The following IMMP2L variants were observed in gnomAD, a reference collection of about 807,000 sequenced individuals.
IMMP2L encodes the protein inner mitochondrial membrane peptidase subunit 2.
In IMMP2L, 18 loss-of-function variants were observed where a neutral mutation model predicts 19.3. The ratio of observed to expected loss-of-function variants is 0.93; its 90% confidence interval spans 0.64 to 1.38. The LOEUF is 1.38. IMMP2L is among the 40% of genes most tolerant of loss of function. The probability of loss-of-function intolerance (pLI) is 0.00; values close to 1 mark genes in which losing one functional copy is unlikely to be tolerated. For synonymous variants in IMMP2L, 76 were observed against 73.0 expected (o/e 1.04, Z -0.21); for missense variants, 233 against 218.2 (o/e 1.07, Z -0.43).
At chr7:111,443,681 A>T (rs541411345) in intron 3 of IMMP2L, among the ~76,000 whole-genome samples, 4 of 152,310 alleles carry the variant, frequency 2.6e-5, no homozygotes, top group African/African-American at 9.6e-5. Flanking sequence ...AACACTGAAA[A>T]GGTGCAATTA....
intron 5 of IMMP2L, among the ~76,000 whole-genome samples, chr7:110,689,504 C>T (rs1463372072): frequency 1.3e-5 from 2 of 152,114 alleles, no homozygotes; most frequent in East Asian, 3.9e-4. Flanking sequence ...GTTTTAATTT[C>T]AAACTGCTAT....
At chr7:110,681,152 T>G (rs1320695091) in intron 5 of IMMP2L, among the ~76,000 whole-genome samples, 1 of 151,950 alleles carries the variant, frequency 6.6e-6, no homozygotes, top group Non-Finnish European at 1.5e-5. Flanking sequence ...GATTAGAAAT[T>G]AACTCTAATT....
chr7:111,164,681 A>T, intron 3 of IMMP2L, among the ~76,000 whole-genome samples: 1 of 152,230 alleles, frequency 6.6e-6, no homozygotes, highest in East Asian at 1.9e-4. Flanking sequence ...ATGAGTCAGA[A>T]AAGCAAAGGA....
At chr7:111,028,117 A>T (rs1215854462) in intron 3 of IMMP2L, among the ~76,000 whole-genome samples, 1 of 152,144 alleles carries the variant, frequency 6.6e-6, no homozygotes, top group Admixed American at 6.6e-5. Context: ...AATGGAAGAA[A>T]TAAATTTAAA....
intron 5 of IMMP2L, among the ~76,000 whole-genome samples, chr7:110,816,789 C>T (rs905808749): frequency 6.6e-6 from 1 of 151,098 alleles, no homozygotes; most frequent in African/African-American, 2.4e-5. Context: ...GGATTGCAAC[C>T]CCTGCCTTTT....
At chr7:111,242,807 A>T (rs925765249) in intron 3 of IMMP2L, among the ~76,000 whole-genome samples, 1 of 152,002 alleles carries the variant, frequency 6.6e-6, no homozygotes, top group African/African-American at 2.4e-5. Flanking sequence ...AACAACAGAG[A>T]ATTTGTCTAT....
chr7:110,841,276 T>C (rs1362192215), intron 5 of IMMP2L, among the ~76,000 whole-genome samples: 2 of 152,020 alleles, frequency 1.3e-5, no homozygotes, highest in African/African-American at 2.4e-5. Context: ...TCATCTCACA[T>C]AGTATCCTTT....
intron 3 of IMMP2L, among the ~76,000 whole-genome samples, chr7:111,252,189 T>C (rs1041545484): frequency 3.3e-5 from 5 of 151,932 alleles, no homozygotes; most frequent in African/African-American, 1.2e-4. Context: ...CCTTCCCTTT[T>C]GAGTGATTTC....
intron 3 of IMMP2L, among the ~76,000 whole-genome samples, chr7:111,463,987 C>T (rs147025465): frequency 1.3e-5 from 2 of 152,256 alleles, no homozygotes; most frequent in East Asian, 3.9e-4. Context: ...GTCATATATA[C>T]ATTTGCTACT....
chr7:111,361,363 A>T (rs1829245329), intron 3 of IMMP2L, among the ~76,000 whole-genome samples: 1 of 152,134 alleles, frequency 6.6e-6, no homozygotes, highest in East Asian at 1.9e-4. Flanking sequence ...ATTCTTGAAG[A>T]TTTAATTGTG....
At position 110,993,651 on chromosome 7, in the gene IMMP2L, T is replaced by C. The variant is rs116225159; in HGVS notation, c.240-30086A>G. On this transcript the variant is annotated intron_variant, in intron 3 of 5. Coordinates refer to ENST00000405709, the MANE Select transcript of IMMP2L (RefSeq NM_032549.4). ...ATTTAAAGTTCTAAAACCCTCCTTA[T>C]GTGCCCTCCGACAGTCTGACTTTCT... Among the ~76,000 whole-genome samples, 1,150 of 151,824 alleles carry C rather than the reference T, an allele frequency of 7.6e-3. 13 individuals are homozygous for C. The highest frequency in any genetic ancestry group is 0.026 in the African/African-American group (1,076 of 41,412).
At chr7:110,713,201 C>G (rs1050794945) in intron 5 of IMMP2L, among the ~76,000 whole-genome samples, 3 of 152,086 alleles carry the variant, frequency 2.0e-5, no homozygotes, top group Non-Finnish European at 4.4e-5. Flanking sequence ...TTGGGTTTGT[C>G]AAAGATCAGA....
At chr7:111,297,089 G>A (rs1444992925) in intron 3 of IMMP2L, among the ~76,000 whole-genome samples, 1 of 152,024 alleles carries the variant, frequency 6.6e-6, no homozygotes. Flanking sequence ...AATATAAAGG[G>A]CTAGAATGAG....
intron 3 of IMMP2L, among the ~76,000 whole-genome samples, chr7:111,449,007 A>T (rs1838840522): frequency 6.6e-6 from 1 of 151,404 alleles, no homozygotes; most frequent in South Asian, 2.1e-4. Flanking sequence ...AGACTAAACC[A>T]GGAAGAAGTT....
chr7:111,227,882 A>G (rs948261129), intron 3 of IMMP2L, among the ~76,000 whole-genome samples: 1 of 152,160 alleles, frequency 6.6e-6, no homozygotes, highest in Admixed American at 6.6e-5. Flanking sequence ...TAACATTTTG[A>G]GTAAATCAAT....
At chr7:111,079,333 G>T (rs1795688988) in intron 3 of IMMP2L, among the ~76,000 whole-genome samples, 1 of 151,318 alleles carries the variant, frequency 6.6e-6, no homozygotes. Flanking sequence ...TAGCCGGGAT[G>T]GTCTCGATCT....
intron 5 of IMMP2L, among the ~76,000 whole-genome samples, chr7:110,816,165 G>A (rs1253480901): frequency 1.3e-5 from 2 of 152,060 alleles, no homozygotes; most frequent in African/African-American, 4.8e-5. Context: ...GGTATGTTGT[G>A]TTTTTGTTCT....
intron 5 of IMMP2L, among the ~76,000 whole-genome samples, chr7:110,886,220 C>A (rs566035466): frequency 6.6e-6 from 1 of 152,034 alleles, no homozygotes; most frequent in South Asian, 2.1e-4. Context: ...ATTTAGAAAA[C>A]TGATGCCTAT....
intron 5 of IMMP2L, among the ~76,000 whole-genome samples, chr7:110,782,609 G>T (rs1411922596): frequency 6.6e-6 from 1 of 151,422 alleles, no homozygotes; most frequent in African/African-American, 2.4e-5. Context: ...CATATATTAG[G>T]TCCCTTAAAA....
Sources: gnomAD v4.1 joint callset for allele counts (sites outside exome capture counted in the v4.1 genomes callset) on GRCh38, gnomAD v4.1.1 for gene constraint, MANE v1.5 for transcripts, NCBI Gene and HGNC (gene_info 2026-07-23, HGNC 2026-07-21) for gene names.